Variants in SOX5 observed in about 807,000 individuals in gnomAD.
SOX5 encodes transcription factor SOX-5.
Under a neutral mutation model 92.0 loss-of-function variants are expected in SOX5, and 9 were observed. The observed-to-expected ratio is 0.10, with a 90% CI of 0.06 to 0.17. SOX5 has a LOEUF of 0.17. Among genes scored for constraint, SOX5 ranks in the 10% least tolerant of loss-of-function variants. The probability of loss-of-function intolerance (pLI) is 1.00; values close to 1 mark genes in which losing one functional copy is unlikely to be tolerated. For synonymous variants in SOX5, 344 were observed against 336.3 expected, an observed-to-expected ratio of 1.02 and a Z score of -0.25; for missense variants, 642 against 944.5, an observed-to-expected ratio of 0.68 and a Z score of 4.20.
At chr12:24,251,439 A>T (rs550656109) in intron 3 of SOX5, among the ~76,000 whole-genome samples, 18 of 152,318 alleles carry the variant, frequency 1.2e-4, no homozygotes, top group African/African-American at 4.1e-4. Context: ...ATTTAATAAA[A>T]TAGGTCCCAT....
intron 8 of SOX5, among the ~76,000 whole-genome samples, chr12:23,610,252 A>C (rs778400094): frequency 6.6e-6 from 1 of 152,142 alleles, no homozygotes; most frequent in Non-Finnish European, 1.5e-5. Context: ...ATTAATACCT[A>C]GAGGTGGTAA....
At chr12:23,660,578 T>C (rs1362792477) in intron 7 of SOX5, among the ~76,000 whole-genome samples, 2 of 152,332 alleles carry the variant, frequency 1.3e-5, no homozygotes, top group African/African-American at 4.8e-5. Flanking sequence ...AATCAATTGG[T>C]ATAAACAAGT....
At chr12:23,650,922 A>G (rs1313490251) in intron 7 of SOX5, among the ~76,000 whole-genome samples, 1 of 152,140 alleles carries the variant, frequency 6.6e-6, no homozygotes, top group Non-Finnish European at 1.5e-5. Context: ...CTGCAGATAG[A>G]TATGTTAAAA....
intron 9 of SOX5, chr12:23,604,088 A>G (rs1333190193): frequency 8.2e-6 from 2 of 242,438 alleles, no homozygotes; most frequent in African/African-American, 2.2e-5. Flanking sequence ...CTATTTTTAT[A>G]AATATCTACA....
intron 9 of SOX5, among the ~76,000 whole-genome samples, chr12:23,596,885 T>A (rs1005373488): frequency 2.0e-5 from 3 of 152,176 alleles, no homozygotes; most frequent in Admixed American, 1.3e-4. Flanking sequence ...TAGAATATAA[T>A]TCAAAGTCCT....
intron 4 of SOX5, among the ~76,000 whole-genome samples, chr12:24,025,274 C>T (rs185328249): frequency 3.3e-5 from 5 of 151,836 alleles, no homozygotes; most frequent in African/African-American, 7.3e-5. Flanking sequence ...TAATCCAAAG[C>T]GGAGGCCACC....
chr12:23,686,291 G>C (rs552737140), intron 6 of SOX5, among the ~76,000 whole-genome samples: 2 of 152,144 alleles, frequency 1.3e-5, no homozygotes, highest in East Asian at 1.9e-4. Flanking sequence ...GGTTAATTTG[G>C]CTGAGGGCCA....
chr12:23,868,581 T>C (rs913843461), intron 2 of SOX5, among the ~76,000 whole-genome samples: 2 of 152,080 alleles, frequency 1.3e-5, no homozygotes, highest in African/African-American at 4.8e-5. Context: ...GACCAAAAAA[T>C]TGTCTGGTCT....
chr12:23,710,581 T>C (rs924623568), intron 6 of SOX5, among the ~76,000 whole-genome samples: 8 of 152,196 alleles, frequency 5.3e-5, no homozygotes, highest in Non-Finnish European at 1.0e-4. Flanking sequence ...CATCCTTTTT[T>C]ATGGCTGCAT....
At chr12:23,555,047 C>A (rs1488255815) in intron 11 of SOX5, among the ~76,000 whole-genome samples, 4 of 152,070 alleles carry the variant, frequency 2.6e-5, no homozygotes, top group Non-Finnish European at 5.9e-5. Flanking sequence ...GTGAGTCTTA[C>A]TTTACTTATT....
At chr12:23,659,446 T>C (rs910198992) in intron 7 of SOX5, among the ~76,000 whole-genome samples, 10 of 152,244 alleles carry the variant, frequency 6.6e-5, no homozygotes, top group African/African-American at 2.4e-4. Context: ...CATCGACTTC[T>C]ATTTATTTAA....
intron 4 of SOX5, among the ~76,000 whole-genome samples, chr12:23,750,586 G>C (rs879547141): frequency 2.0e-5 from 3 of 151,718 alleles, no homozygotes; most frequent in Non-Finnish European, 3.0e-5. Context: ...AACAAATAAT[G>C]TGTTTATAAT....
In SOX5 at chr12:23,724,526, A is replaced by G. The variant is rs181693896; in HGVS notation, c.810+10158T>C. The stretch of plus-strand genomic sequence containing the variant: ...AATGACATTTCAAAGGTAGTATACT[A>G]AATAGTTCATGGTTTACAAATCCTA... On this transcript the variant is annotated intron_variant, in intron 6 of 14. Transcript: ENST00000451604. Among the ~76,000 whole-genome samples, 111 of 152,344 alleles carry G rather than the reference A, an allele frequency of 7.3e-4. 2 individuals carry two copies. Among genetic ancestry groups the G allele is most frequent in the African/African-American group, 2.3e-3 (95 of 41,586 alleles).
At chr12:23,927,596 C>T (rs1940322119) in intron 1 of SOX5, among the ~76,000 whole-genome samples, 1 of 151,904 alleles carries the variant, frequency 6.6e-6, no homozygotes. Flanking sequence ...TCCTGTTTAC[C>T]TCACAGACTA....
chr12:23,665,424 GA>G lies in SOX5; in HGVS notation c.931+19del. On this transcript the variant is annotated intron_variant, in intron 7 of 14. Transcript: ENST00000451604. The stretch of plus-strand genomic sequence containing the variant: ...CTTTGCCCTCCACCCACTCCCAGAT[GA>G]AAAATCAACAGTACTTACTACATCC... 6.2e-7 allele frequency: 1 copy of G among 1,612,736 alleles called. No homozygotes were observed. The highest frequency in any genetic ancestry group is 8.5e-7 in the Non-Finnish European group (1 of 1,179,170).
At chr12:23,935,564 C>T (rs942928311) in intron 1 of SOX5, among the ~76,000 whole-genome samples, 1 of 151,098 alleles carries the variant, frequency 6.6e-6, no homozygotes, top group Admixed American at 6.6e-5. Flanking sequence ...GTAAGGAGAA[C>T]TGGAAGTCAG....
intron 3 of SOX5, among the ~76,000 whole-genome samples, chr12:23,785,502 G>T (rs1442582131): frequency 6.6e-6 from 1 of 152,108 alleles, no homozygotes; most frequent in Non-Finnish European, 1.5e-5. Flanking sequence ...AGTAAATTTT[G>T]ATAATTTATT....
chr12:23,858,413 C>T (rs4492903), intron 2 of SOX5, among the ~76,000 whole-genome samples: 138,658 of 152,164 alleles, frequency 0.91, 63,286 homozygotes, highest in East Asian at 1. Context: ...AAAGAAGACG[C>T]ACATGCACCC....
intron 6 of SOX5, among the ~76,000 whole-genome samples, chr12:23,700,445 A>G (rs1182640939): frequency 1.3e-5 from 2 of 152,126 alleles, no homozygotes; most frequent in African/African-American, 2.4e-5. Flanking sequence ...GCAGAAATAT[A>G]TTATAAAGCA....
Sources: gnomAD v4.1 joint callset for allele counts (sites outside exome capture counted in the v4.1 genomes callset) on GRCh38, gnomAD v4.1.1 for gene constraint, MANE v1.5 for transcripts, NCBI Gene and HGNC (gene_info 2026-07-23, HGNC 2026-07-21) for gene names.